KHDRBS2: variants seen among roughly 807,000 people sequenced by gnomAD.
KHDRBS2 encodes the protein KH domain-containing, RNA-binding, signal transduction-associated protein 2.
Under a neutral mutation model 44.3 loss-of-function variants are expected in KHDRBS2, and 26 were observed. That is an observed-to-expected ratio of 0.59 (90% CI 0.43 to 0.81). The LOEUF (loss-of-function observed/expected upper bound fraction) is 0.81. Ranked by LOEUF, KHDRBS2 falls within the 40% of genes least tolerant of loss-of-function variation. The pLI, the probability that KHDRBS2 is intolerant of heterozygous loss-of-function variation, is 0.00. For synonymous variants in KHDRBS2, 194 were observed against 151.1 expected (o/e 1.28, Z -2.08); for missense variants, 476 against 433.1 (o/e 1.10, Z -0.88).
At chr6:61,944,162 G>T (rs1812736775) in intron 4 of KHDRBS2, among the ~76,000 whole-genome samples, 1 of 152,062 alleles carries the variant, frequency 6.6e-6, no homozygotes, top group Non-Finnish European at 1.5e-5. Flanking sequence ...CCCACTATTG[G>T]GTATCCAAAG....
At chr6:61,963,955 G>T (rs567811455) in intron 4 of KHDRBS2, among the ~76,000 whole-genome samples, 4 of 152,060 alleles carry the variant, frequency 2.6e-5, no homozygotes, top group Non-Finnish European at 4.4e-5. Context: ...ATAACAAAAA[G>T]ACAACTTTTA....
intron 6 of KHDRBS2, among the ~76,000 whole-genome samples, chr6:61,745,142 A>G (rs754548619): frequency 2.0e-5 from 3 of 152,168 alleles, no homozygotes; most frequent in Non-Finnish European, 4.4e-5. Flanking sequence ...GGATTAAAAA[A>G]TAATACAACT....
chr6:61,982,501 C>A (rs1774049342), intron 3 of KHDRBS2, among the ~76,000 whole-genome samples: 1 of 151,738 alleles, frequency 6.6e-6, no homozygotes, highest in Admixed American at 6.6e-5. Context: ...GAAACCCCGT[C>A]TCTACTAAAA....
intron 2 of KHDRBS2, among the ~76,000 whole-genome samples, chr6:62,140,952 C>T (rs1444907019): frequency 2.0e-5 from 3 of 152,110 alleles, no homozygotes; most frequent in Non-Finnish European, 2.9e-5. Context: ...CACTGAGGAC[C>T]TTAAAAGTCA....
intron 1 of KHDRBS2, among the ~76,000 whole-genome samples, chr6:62,219,060 G>A (rs1830465438): frequency 6.6e-6 from 1 of 151,688 alleles, no homozygotes; most frequent in Non-Finnish European, 1.5e-5. Context: ...GGTTCAATAT[G>A]TATTATTTGG....
intron 7 of KHDRBS2, among the ~76,000 whole-genome samples, chr6:61,719,115 T>C (rs1351175969): frequency 6.6e-6 from 1 of 152,180 alleles, no homozygotes; most frequent in Non-Finnish European, 1.5e-5. Context: ...CCTCACCTGA[T>C]ACATTATTTA....
intron 6 of KHDRBS2, among the ~76,000 whole-genome samples, chr6:61,800,317 G>A (rs1466916464): frequency 6.6e-6 from 1 of 152,088 alleles, no homozygotes; most frequent in Non-Finnish European, 1.5e-5. Flanking sequence ...AGGTGGTCCA[G>A]TCTAAAAATA....
At chr6:62,069,417 T>A (rs1794477520) in intron 2 of KHDRBS2, among the ~76,000 whole-genome samples, 1 of 151,768 alleles carries the variant, frequency 6.6e-6, no homozygotes, top group South Asian at 2.1e-4. Flanking sequence ...CAACTGCAGC[T>A]ACAGGCCTCA....
intron 6 of KHDRBS2, among the ~76,000 whole-genome samples, chr6:61,835,631 C>A (rs1240946893): frequency 6.6e-6 from 1 of 151,464 alleles, no homozygotes; most frequent in Admixed American, 6.6e-5. Context: ...TATGGCCTTA[C>A]AATATAATAT....
chr6:61,574,484 C>A, the KHDRBS2 span: 1 of 1,177,306 alleles, frequency 8.5e-7, no homozygotes, highest in Non-Finnish European at 1.1e-6. Flanking sequence ...TCTAACCTAC[C>A]AAACCTGCAT....
At chr6:61,780,258 T>C (rs1350710732) in intron 6 of KHDRBS2, among the ~76,000 whole-genome samples, 1 of 152,216 alleles carries the variant, frequency 6.6e-6, no homozygotes, top group African/African-American at 2.4e-5. Flanking sequence ...CCCAGCACTT[T>C]GGGAAACCAA....
rs550559804 is a variant in KHDRBS2, at chr6:62,003,523, C to T, written c.337-25311G>A. ...AGCACCCAGATTCATAAAGCAAGTC[C>T]TTAGAGACCTACAAAGAGACTTAGA... On this transcript the variant is annotated intron_variant, in intron 3 of 8. Coordinates refer to ENST00000281156, the MANE Select transcript of KHDRBS2 (RefSeq NM_152688.4). Among the ~76,000 whole-genome samples the T allele has an allele frequency of 5.3e-5, 8 of 152,134 alleles. No homozygotes were observed. The South Asian group carries it at 1.0e-3, about 20-fold the overall frequency.
rs144813406 is a variant in KHDRBS2 at position 62,066,677 on chromosome 6, C to A, written c.220-18683G>T. ...TATGTTTGATAAGGACAAATTAATC[C>A]ATTAAGAGGGGCTTATTGAGCATAC... On this transcript the variant is annotated intron_variant, in intron 2 of 8. Transcript: ENST00000281156. 7.8e-3 allele frequency among the ~76,000 whole-genome samples: 1,186 copies of A among 151,554 alleles called. 11 individuals carry two copies. The highest frequency in any genetic ancestry group is 0.037 in the Middle Eastern group (11 of 294).
intron 4 of KHDRBS2, among the ~76,000 whole-genome samples, chr6:61,955,168 ATG>A (rs1334583024): frequency 1.4e-5 from 2 of 144,584 alleles, no homozygotes; most frequent in East Asian, 2.2e-4. Flanking sequence ...ATGTATACAT[ATG>A]TGTATATACA....
chr6:61,919,724 A>C (rs996394186), intron 4 of KHDRBS2, among the ~76,000 whole-genome samples: 4 of 151,800 alleles, frequency 2.6e-5, no homozygotes, highest in African/African-American at 9.7e-5. Flanking sequence ...CCTGAAGAAC[A>C]ACAACAACAA....
chr6:62,243,366 A>C (rs1209212882), intron 1 of KHDRBS2, among the ~76,000 whole-genome samples: 1 of 152,088 alleles, frequency 6.6e-6, no homozygotes. Context: ...TCAATTTCAA[A>C]TTTACAATGC....
At chr6:62,179,976 A>G (rs553948693) in intron 1 of KHDRBS2, among the ~76,000 whole-genome samples, 6 of 151,974 alleles carry the variant, frequency 3.9e-5, no homozygotes, top group African/African-American at 1.4e-4. Context: ...ACAAAATGGT[A>G]TATGCCAAAC....
At chr6:61,694,182 T>A (rs1396389399) in intron 8 of KHDRBS2, among the ~76,000 whole-genome samples, 4 of 152,276 alleles carry the variant, frequency 2.6e-5, no homozygotes, top group Non-Finnish European at 5.9e-5. Flanking sequence ...ATATGCCTTC[T>A]CATCAGAACA....
chr6:61,999,078 A>G (rs1777747225), intron 3 of KHDRBS2, among the ~76,000 whole-genome samples: 1 of 152,036 alleles, frequency 6.6e-6, no homozygotes, highest in African/African-American at 2.4e-5. Flanking sequence ...TCTTTCTTGC[A>G]TTAAGGCAAA....
Sources: gnomAD v4.1 joint callset for allele counts (sites outside exome capture counted in the v4.1 genomes callset) on GRCh38, gnomAD v4.1.1 for gene constraint, MANE v1.5 for transcripts, NCBI Gene and HGNC (gene_info 2026-07-23, HGNC 2026-07-21) for gene names.